TMTC1: variants seen among roughly 807,000 people sequenced by gnomAD.
TMTC1 encodes the protein transmembrane O-mannosyltransferase targeting cadherins 1.
In TMTC1, 73 loss-of-function variants were observed where a neutral mutation model predicts 104.8. The observed-to-expected ratio is 0.70, with a 90% CI of 0.58 to 0.85. TMTC1 has a LOEUF of 0.85. Ranked by LOEUF, TMTC1 falls within the 40% of genes least tolerant of loss-of-function variation. The pLI is 0.00. For missense variants in TMTC1, 1,035 were observed against 1,096.1 expected (o/e 0.94, Z 0.79); for synonymous variants, 434 against 428.7 (o/e 1.01, Z -0.15).
chr12:29,645,023 C>T (rs1330139717), intron 5 of TMTC1, among the ~76,000 whole-genome samples: 1 of 152,176 alleles, frequency 6.6e-6, no homozygotes, highest in Non-Finnish European at 1.5e-5. Flanking sequence ...ATGTGCCCAT[C>T]CTCCTCACTA....
At chr12:29,756,206 T>C (rs766014636) in intron 3 of TMTC1, among the ~76,000 whole-genome samples, 4 of 152,218 alleles carry the variant, frequency 2.6e-5, no homozygotes, top group South Asian at 2.1e-4. Context: ...CTAAACTATA[T>C]GCATAAGCTC....
intron 5 of TMTC1, among the ~76,000 whole-genome samples, chr12:29,727,261 T>C (rs12313204): frequency 0.11 from 16,808 of 152,238 alleles, 1,106 homozygotes; most frequent in African/African-American, 0.18. Context: ...AGATTTTGCA[T>C]ACTGCAGGTA....
At chr12:29,603,061 G>A (rs528092506) in intron 7 of TMTC1, among the ~76,000 whole-genome samples, 14 of 152,188 alleles carry the variant, frequency 9.2e-5, no homozygotes, top group Admixed American at 5.9e-4. Flanking sequence ...CTTAAACCAC[G>A]TAGAATATAA....
intron 5 of TMTC1, among the ~76,000 whole-genome samples, chr12:29,691,810 T>G (rs1941277500): frequency 7.0e-6 from 1 of 143,182 alleles, no homozygotes; most frequent in African/African-American, 2.6e-5. Context: ...AATAGAACTG[T>G]GTTGGAAGGA....
chr12:29,765,128 T>C (rs1181273536), intron 2 of TMTC1, among the ~76,000 whole-genome samples: 1 of 152,182 alleles, frequency 6.6e-6, no homozygotes, highest in Non-Finnish European at 1.5e-5. Flanking sequence ...TGTCTAGTAG[T>C]AGTAGTCTTT....
intron 6 of TMTC1, among the ~76,000 whole-genome samples, chr12:29,611,115 C>T (rs1239776748): frequency 2.0e-5 from 3 of 151,780 alleles, no homozygotes; most frequent in Non-Finnish European, 2.9e-5. Flanking sequence ...CACCGAAGGC[C>T]GATTAAAATC....
At chr12:29,668,898 G>A (rs2033033) in intron 5 of TMTC1, among the ~76,000 whole-genome samples, 6 of 152,064 alleles carry the variant, frequency 3.9e-5, no homozygotes, top group Non-Finnish European at 8.8e-5. Flanking sequence ...TAATAAGCAC[G>A]CTTTTAAAAG....
intron 5 of TMTC1, among the ~76,000 whole-genome samples, chr12:29,682,766 G>A (rs1349085387): frequency 1.3e-5 from 2 of 152,148 alleles, no homozygotes; most frequent in South Asian, 4.1e-4. Flanking sequence ...TAGAGAGTGG[G>A]TGTAACTACA....
intron 13 of TMTC1, among the ~76,000 whole-genome samples, 173 bp from the exon 14 acceptor site, chr12:29,517,744 C>G (rs1019984174): frequency 2.2e-4 from 33 of 151,982 alleles, no homozygotes; most frequent in African/African-American, 8.0e-4. Flanking sequence ...GAGACAGAGT[C>G]TCACTCTGTC....
intron 6 of TMTC1, among the ~76,000 whole-genome samples, chr12:29,604,554 G>A (rs1406954206): frequency 6.6e-6 from 1 of 152,076 alleles, no homozygotes; most frequent in African/African-American, 2.4e-5. Flanking sequence ...TACAGTCAGT[G>A]ACCGCTACCT....
chr12:29,660,174 T>G (rs1939949507), intron 5 of TMTC1, among the ~76,000 whole-genome samples: 1 of 152,202 alleles, frequency 6.6e-6, no homozygotes, highest in Admixed American at 6.5e-5. Flanking sequence ...GGACCTAATC[T>G]TTGGGAGGTG....
At chr12:29,604,785 T>C (rs1342827010) in intron 6 of TMTC1, among the ~76,000 whole-genome samples, 2 of 152,182 alleles carry the variant, frequency 1.3e-5, no homozygotes, top group East Asian at 1.9e-4. Flanking sequence ...GAAAATCAAA[T>C]ACTAATGATA....
chr12:29,672,041 A>G (rs922406444), intron 5 of TMTC1, among the ~76,000 whole-genome samples: 1 of 152,180 alleles, frequency 6.6e-6, no homozygotes, highest in African/African-American at 2.4e-5. Context: ...CTCAAAGTCA[A>G]GTGTCTAAAA....
intron 9 of TMTC1, among the ~76,000 whole-genome samples, chr12:29,565,342 C>T (rs2136282812): frequency 6.6e-6 from 1 of 152,274 alleles, no homozygotes; most frequent in East Asian, 1.9e-4. Context: ...GTAGGAACAT[C>T]TAGAATAATG....
At chr12:29,539,371 G>T (rs574804688) in intron 10 of TMTC1, among the ~76,000 whole-genome samples, 1 of 151,608 alleles carries the variant, frequency 6.6e-6, no homozygotes, top group African/African-American at 2.4e-5. Context: ...ACTCAGTTTC[G>T]CTTGCTAATG....
At chr12:29,513,257 C>T (rs186131252) in intron 16 of TMTC1, among the ~76,000 whole-genome samples, 2 of 152,074 alleles carry the variant, frequency 1.3e-5, no homozygotes, top group Non-Finnish European at 2.9e-5. Context: ...GATTAAGTTA[C>T]ATAATACATA....
chr12:29,776,740 G>A (rs573610561), intron 1 of TMTC1, among the ~76,000 whole-genome samples: 138 of 152,230 alleles, frequency 9.1e-4, no homozygotes, highest in African/African-American at 3.2e-3. Flanking sequence ...AAACACAGAG[G>A]AGTGTTTGCT....
At chr12:29,591,896 A>G (rs1367333768) in intron 7 of TMTC1, among the ~76,000 whole-genome samples, 1 of 139,398 alleles carries the variant, frequency 7.2e-6, no homozygotes, top group Non-Finnish European at 1.6e-5. Flanking sequence ...ACTCACCAAG[A>G]AGCTTTTAAG....
At chr12:29,592,106 C>T (rs1457912774) in intron 7 of TMTC1, among the ~76,000 whole-genome samples, 1 of 152,128 alleles carries the variant, frequency 6.6e-6, no homozygotes, top group African/African-American at 2.4e-5. Flanking sequence ...TTTAATTTGT[C>T]CACAAGCTGT....
Sources: gnomAD v4.1 joint callset for allele counts (sites outside exome capture counted in the v4.1 genomes callset) on GRCh38, gnomAD v4.1.1 for gene constraint, MANE v1.5 for transcripts, NCBI Gene and HGNC (gene_info 2026-07-23, HGNC 2026-07-21) for gene names.